Variants in AGO4 observed in about 807,000 individuals in gnomAD.
AGO4 encodes argonaute RISC component 4.
AGO4 carries 33 observed loss-of-function variants against 104.7 expected under a neutral mutation model. The observed-to-expected ratio is 0.32, with a 90% confidence interval of 0.24 to 0.42. AGO4 has a LOEUF of 0.42. AGO4 is among the 10% of genes least tolerant of loss of function. AGO4 has a pLI of 1.00. For synonymous variants in AGO4, 331 were observed against 364.7 expected (o/e 0.91, Z 1.05); for missense variants, 711 against 1,083.4 (o/e 0.66, Z 4.83).
chr1:35,843,960 C>T (rs879328312), intron 15 of AGO4, among the ~76,000 whole-genome samples: 1 of 152,234 alleles, frequency 6.6e-6, no homozygotes, highest in Non-Finnish European at 1.5e-5. Flanking sequence ...ATTCTCTAAG[C>T]ATGCCTCTTG....
In AGO4 at chr1:35,826,764, G is replaced by C. The variant is rs1644030127; in HGVS notation, c.777G>C (p.Val259=). 1.2e-6 allele frequency: 2 copies of C among 1,614,146 alleles called. No homozygotes were observed. Among genetic ancestry groups the C allele is most frequent in the Non-Finnish European group, 8.5e-7 (1 of 1,180,008 alleles). ...TKEIRGLKVE[V]THCGQMKRKY... The stretch of plus-strand genomic sequence containing the variant: ...AAATTTCAGGTCTCAAAGTTGAGGT[G>C]ACCCACTGTGGACAGATGAAACGAA... The change falls in exon 7 of 18, where the codon GTG becomes GTC. Residue 259 remains valine (V), a synonymous_variant. Transcript: ENST00000373210.
At chr1:35,846,453 C>T (rs1644575273) in intron 15 of AGO4, among the ~76,000 whole-genome samples, 1 of 151,760 alleles carries the variant, frequency 6.6e-6, no homozygotes, top group Non-Finnish European at 1.5e-5. Context: ...AAAAATTAGC[C>T]GGATGTGGTG....
chr1:35,838,297 C>G (rs188728800), intron 13 of AGO4, among the ~76,000 whole-genome samples: 1 of 152,208 alleles, frequency 6.6e-6, no homozygotes, highest in African/African-American at 2.4e-5. Flanking sequence ...CTCAAGCAAT[C>G]GGCCCACCTT....
intron 7 of AGO4, among the ~76,000 whole-genome samples, chr1:35,827,499 GAC>G (rs1644053931): frequency 1.3e-5 from 2 of 152,072 alleles, no homozygotes; most frequent in South Asian, 4.1e-4. Context: ...CAGCCTGGGT[GAC>G]AGAGTGAAAC....
intron 11 of AGO4, among the ~76,000 whole-genome samples, chr1:35,832,835 A>C (rs1218636666): frequency 6.6e-6 from 1 of 152,222 alleles, no homozygotes; most frequent in East Asian, 1.9e-4. Context: ...TTGAGTTCTT[A>C]TTGAAGCTTC....
Position 35,834,130 on chromosome 1 carries a change from T to C in AGO4, c.1520T>C (p.Leu507Pro). ...FKHLKMTYVG[L>P]QLIVVILPGK... is the part of the protein sequence containing the mutation. ...CATCTGAAAATGACTTATGTGGGCC[T>C]ACAGCTAATAGTGGTTATCCTGCCT... The change falls in exon 12 of 18, where the codon CTA becomes CCA. Residue 507 changes from leucine to proline, a missense_variant. By Grantham distance (98) the Leu-to-Pro change is moderately conservative. Transcript: ENST00000373210. The C allele has an allele frequency of 6.2e-7, 1 of 1,609,436 alleles. No homozygotes were observed.
At chr1:35,811,803 T>C (rs1193805795) in intron 1 of AGO4, among the ~76,000 whole-genome samples, 1 of 152,100 alleles carries the variant, frequency 6.6e-6, no homozygotes, top group African/African-American at 2.4e-5. Context: ...TTTCACCATC[T>C]TGGCCAGGCT....
At position 35,842,208 on chromosome 1, in the gene AGO4, C is replaced by T. The variant is rs538740229; in HGVS notation, c.2175+458C>T. On this transcript the variant is annotated intron_variant, in intron 15 of 17. Coordinates refer to ENST00000373210, the MANE Select transcript of AGO4 (RefSeq NM_017629.4). Reference sequence around the variant, plus strand: ...TAACAGTCTGTGGCCTGTTGGGAACCAGGCTGCACAGCAGGTGAGTGGTCA... The same window carrying T: ...TAACAGTCTGTGGCCTGTTGGGAACTAGGCTGCACAGCAGGTGAGTGGTCA... Among the ~76,000 whole-genome samples the T allele has an allele frequency of 5.9e-5, 9 of 152,108 alleles. No homozygotes were observed. The East Asian group carries it at 1.3e-3, about 23-fold the overall frequency.
At position 35,856,319 on chromosome 1, in the gene AGO4, T is replaced by C. The variant is rs190797025; in HGVS notation, c.*2714T>C. 3 of 152,344 alleles carry C rather than the reference T, an allele frequency of 2.0e-5. No homozygotes were observed. Among genetic ancestry groups the C allele is most frequent in the African/African-American group, 7.2e-5 (3 of 41,592 alleles). 9.4% of individuals were successfully genotyped at this position (152,344 alleles called of 1,614,324 possible). The stretch of plus-strand genomic sequence containing the variant: ...CAAGTCTGAATGCATAGTTTTACTT[T>C]AATTCGGCTTGACAATTTGAATAGG... On this transcript the variant is annotated 3_prime_UTR_variant, in exon 18 of 18. Transcript: ENST00000373210.
At chr1:35,816,471 T>C (rs1377342737) in intron 1 of AGO4, among the ~76,000 whole-genome samples, 1 of 152,150 alleles carries the variant, frequency 6.6e-6, no homozygotes, top group Non-Finnish European at 1.5e-5. Context: ...TCAATAACTG[T>C]AGCCATCATC....
At chr1:35,849,252 G>A (rs924646743) in intron 15 of AGO4, among the ~76,000 whole-genome samples, 3 of 152,104 alleles carry the variant, frequency 2.0e-5, no homozygotes, top group African/African-American at 7.2e-5. Context: ...TTAGATTGAG[G>A]TATAAAGATA....
chr1:35,826,140 C>A, intron 6 of AGO4, 80 bp downstream of exon 6: 1 of 1,556,772 alleles, frequency 6.4e-7, no homozygotes, highest in Non-Finnish European at 8.7e-7. Context: ...TCACACAGAC[C>A]TGGGCTTCGG....
At chr1:35,844,605 C>CT (rs975530129) in intron 15 of AGO4, among the ~76,000 whole-genome samples, 1 of 152,166 alleles carries the variant, frequency 6.6e-6, no homozygotes, top group African/African-American at 2.4e-5. Flanking sequence ...TCAGTTACAT[C>CT]TTGTATTTTC....
chr1:35,815,375 A>G (rs976830870), intron 1 of AGO4, among the ~76,000 whole-genome samples: 2 of 152,070 alleles, frequency 1.3e-5, no homozygotes, highest in East Asian at 3.8e-4. Flanking sequence ...AAGGAGTAAG[A>G]TTTTCTCTAA....
intron 13 of AGO4, among the ~76,000 whole-genome samples, chr1:35,839,618 CTGTTA>C (rs1168354104): frequency 1.3e-5 from 2 of 151,994 alleles, no homozygotes; most frequent in Non-Finnish European, 2.9e-5. Flanking sequence ...TATATGTAAG[CTGTTA>C]TGTTATATAT....
intron 7 of AGO4, among the ~76,000 whole-genome samples, chr1:35,828,571 G>A (rs1644093581): frequency 1.3e-5 from 2 of 151,434 alleles, no homozygotes; most frequent in South Asian, 2.1e-4. Flanking sequence ...CCAGGTTGGA[G>A]TGCAATGTCG....
intron 7 of AGO4, among the ~76,000 whole-genome samples, chr1:35,831,158 T>C (rs1644175015): frequency 6.6e-6 from 1 of 152,010 alleles, no homozygotes; most frequent in Non-Finnish European, 1.5e-5. Flanking sequence ...GGTCAGGAGT[T>C]CGAGACCAGC....
rs574285613 is a variant in AGO4, at chr1:35,828,191, C to T, written c.848+1356C>T. On this transcript the variant is annotated intron_variant, in intron 7 of 17. Transcript: ENST00000373210. Reference sequence around the variant, plus strand: ...ATGTATCTTCTAAAAAAAATACAGACACACGTATATATATAGTGCTTGGCA... The same window carrying T: ...ATGTATCTTCTAAAAAAAATACAGATACACGTATATATATAGTGCTTGGCA... Among the ~76,000 whole-genome samples the T allele has an allele frequency of 9.9e-5, 15 of 152,110 alleles. No homozygotes were observed. In the South Asian group the frequency reaches 2.9e-3, roughly 29 times the overall value.
chr1:35,835,657 CA>C (rs532119880), intron 12 of AGO4, among the ~76,000 whole-genome samples, 176 bp from the exon 13 acceptor site: 88 of 152,094 alleles, frequency 5.8e-4, no homozygotes, highest in African/African-American at 2.0e-3. Context: ...TATCCAAACA[CA>C]GGGGGAAAAA....
Sources: gnomAD v4.1 joint callset for allele counts (sites outside exome capture counted in the v4.1 genomes callset) on GRCh38, gnomAD v4.1.1 for gene constraint, MANE v1.5 for transcripts, NCBI Gene and HGNC (gene_info 2026-07-23, HGNC 2026-07-21) for gene names.